The following GLT8D2 variants were observed in gnomAD, a reference collection of about 807,000 sequenced individuals.
GLT8D2 encodes the protein glycosyltransferase 8 domain-containing protein 2.
Under a neutral mutation model 44.5 loss-of-function variants are expected in GLT8D2, and 45 were observed. The ratio of observed to expected loss-of-function variants is 1.01; its 90% CI spans 0.80 to 1.30. The LOEUF (loss-of-function observed/expected upper bound fraction) is 1.30. Ranked by LOEUF, GLT8D2 falls within the 50% of genes most tolerant of loss-of-function variation. The pLI is 0.00. For missense variants in GLT8D2, 400 were observed against 430.4 expected (o/e 0.93, Z 0.62); for synonymous variants, 156 against 157.2 (o/e 0.99, Z 0.06).
rs372196125 is a variant in GLT8D2, at chr12:103,999,545, T to C, written c.285-31A>G. On this transcript the variant is annotated intron_variant, in intron 5 of 10. Transcript: ENST00000360814. ...AAGATGACCAAAAAAACCTCTAGTA[T>C]ACCCTTCAATTCTTTCCTCCATTTG... 14 of 1,284,452 alleles carry C rather than the reference T, an allele frequency of 1.1e-5. No homozygotes were observed. The African/African-American group carries it at 1.9e-4, about 17-fold the overall frequency. 79.6% of individuals were successfully genotyped at this position (1,284,452 alleles called of 1,614,324 possible).
At chr12:104,043,711 C>T (rs1880805024) in intron 1 of GLT8D2, among the ~76,000 whole-genome samples, 1 of 152,232 alleles carries the variant, frequency 6.6e-6, no homozygotes, top group Admixed American at 6.5e-5. Flanking sequence ...AGGTGATCCA[C>T]TCACCTTGGT....
chr12:104,030,289 C>T (rs1344512781), intron 1 of GLT8D2, among the ~76,000 whole-genome samples: 1 of 152,042 alleles, frequency 6.6e-6, no homozygotes, highest in African/African-American at 2.4e-5. Context: ...GCTGGGAAAA[C>T]TGGATATTAA....
chr12:104,025,009 G>T (rs1332668718), intron 1 of GLT8D2, among the ~76,000 whole-genome samples: 2 of 146,498 alleles, frequency 1.4e-5, no homozygotes, highest in African/African-American at 5.1e-5. Flanking sequence ...GGTGGAGGTT[G>T]CAGTGAGCCG....
chr12:104,049,402 T>G (rs2136514212), intron 1 of GLT8D2: 1 of 152,132 alleles, frequency 6.6e-6, no homozygotes, highest in Admixed American at 6.5e-5. Context: ...CCACGACTAC[T>G]GTATTTACAA....
intron 10 of GLT8D2, among the ~76,000 whole-genome samples, chr12:103,991,739 T>C (rs907174235): frequency 5.6e-5 from 8 of 142,940 alleles, no homozygotes; most frequent in South Asian, 4.3e-4. Flanking sequence ...CTCAGGAAAA[T>C]CAGAGGATTC....
intron 3 of GLT8D2, among the ~76,000 whole-genome samples, chr12:104,015,976 G>A (rs971112537): frequency 6.6e-6 from 1 of 152,174 alleles, no homozygotes; most frequent in African/African-American, 2.4e-5. Flanking sequence ...GGGCAATAGA[G>A]CAAGACCTTC....
At chr12:104,062,134 C>T (rs1031814266) in intron 1 of GLT8D2, among the ~76,000 whole-genome samples, 2 of 151,792 alleles carry the variant, frequency 1.3e-5, no homozygotes, top group African/African-American at 2.4e-5. Context: ...AGTGCAATGG[C>T]ACCATCTTGG....
intron 4 of GLT8D2, 77 bp from the exon 5 acceptor site, chr12:104,003,383 C>A: frequency 8.0e-7 from 1 of 1,246,456 alleles, no homozygotes; most frequent in Non-Finnish European, 1.2e-6. Flanking sequence ...CTTCCATACT[C>A]CTGGGGGAAG....
chr12:103,990,169 T>G (rs2629790), intron 10 of GLT8D2, among the ~76,000 whole-genome samples: 1 of 147,322 alleles, frequency 6.8e-6, no homozygotes, highest in East Asian at 2.0e-4. Flanking sequence ...ATTGCTAGAT[T>G]GAAGGTTGTG....
chr12:104,026,649 A>T (rs574752579), intron 1 of GLT8D2, among the ~76,000 whole-genome samples: 6 of 152,376 alleles, frequency 3.9e-5, no homozygotes, highest in Admixed American at 3.3e-4. Flanking sequence ...TAAGGATTTT[A>T]GATGACAACA....
chr12:104,006,596 A>G (rs546311319), intron 4 of GLT8D2, among the ~76,000 whole-genome samples: 2 of 152,222 alleles, frequency 1.3e-5, no homozygotes, highest in African/African-American at 2.4e-5. Flanking sequence ...CTCCTCTTCC[A>G]TCAATCACCT....
chr12:103,991,191 C>G (rs1173658093), intron 10 of GLT8D2, among the ~76,000 whole-genome samples: 3 of 151,888 alleles, frequency 2.0e-5, no homozygotes, highest in Non-Finnish European at 4.4e-5. Flanking sequence ...GGATATTTCT[C>G]TTTTTTTTCT....
intron 1 of GLT8D2, among the ~76,000 whole-genome samples, chr12:104,036,473 A>C (rs1047544872): frequency 6.6e-6 from 1 of 152,204 alleles, no homozygotes; most frequent in African/African-American, 2.4e-5. Context: ...AAGATCTACC[A>C]AGCAAATGGA....
chr12:104,057,368 A>C (rs1296280930), intron 1 of GLT8D2, among the ~76,000 whole-genome samples: 1 of 152,134 alleles, frequency 6.6e-6, no homozygotes, highest in East Asian at 1.9e-4. Flanking sequence ...AAAAAATAAA[A>C]AAGTTAGCCA....
At chr12:104,062,849 A>C (rs1882788940) in intron 1 of GLT8D2, among the ~76,000 whole-genome samples, 1 of 152,178 alleles carries the variant, frequency 6.6e-6, no homozygotes, top group Admixed American at 6.5e-5. Flanking sequence ...TTGATATCAT[A>C]TAGACCAGGG....
intron 3 of GLT8D2, among the ~76,000 whole-genome samples, chr12:104,016,721 AAGAAAGAAAGAAAGAAAGAAAG>A (rs1876706548): frequency 1.9e-5 from 1 of 51,960 alleles, no homozygotes; most frequent in Non-Finnish European, 3.9e-5. Context: ...GAAAGAAAGA[AAGAAAGAAAGAAAGAAAGAAAG>A]AAAGAAAGAA....
At chr12:103,999,810 G>C in intron 5 of GLT8D2, among the ~76,000 whole-genome samples, 1 of 152,290 alleles carries the variant, frequency 6.6e-6, no homozygotes, top group African/African-American at 2.4e-5. Flanking sequence ...AGAATGAAAA[G>C]TATTCTTTCT....
chr12:104,045,892 T>TAAAGAAAGA (rs1555281857), intron 1 of GLT8D2, among the ~76,000 whole-genome samples: 1 of 112,144 alleles, frequency 8.9e-6, no homozygotes, highest in East Asian at 2.9e-4. Flanking sequence ...AAAAGAAAGA[T>TAAAGAAAGA]AAGAAAGAAA....
chr12:104,004,144 A>C (rs945251425), intron 4 of GLT8D2, among the ~76,000 whole-genome samples: 1 of 152,252 alleles, frequency 6.6e-6, no homozygotes, highest in Non-Finnish European at 1.5e-5. Context: ...GATTATATCA[A>C]TAGAAGCAGA....
Sources: gnomAD v4.1 joint callset for allele counts (sites outside exome capture counted in the v4.1 genomes callset) on GRCh38, gnomAD v4.1.1 for gene constraint, MANE v1.5 for transcripts, NCBI Gene and HGNC (gene_info 2026-07-23, HGNC 2026-07-21) for gene names.